Variants in EGFR observed in about 807,000 individuals in gnomAD.
EGFR encodes epidermal growth factor receptor, also known as avian erythroblastic leukemia viral (v-erb-b) oncogene homolog.
In EGFR, 58 loss-of-function variants were observed where a neutral mutation model predicts 143.0. The observed-to-expected ratio is 0.41, with a 90% CI of 0.33 to 0.50. EGFR has a LOEUF of 0.50. EGFR is among the 20% of genes least tolerant of loss of function. The pLI, the probability that EGFR is intolerant of heterozygous loss-of-function variation, is 0.39. For missense variants in EGFR, 1,307 were observed against 1,579.0 expected, an observed-to-expected ratio of 0.83 and a Z score of 2.92; for synonymous variants, 613 against 594.4, an observed-to-expected ratio of 1.03 and a Z score of -0.45.
intron 1 of EGFR, among the ~76,000 whole-genome samples, chr7:55,106,834 A>T (rs1224089961): frequency 6.6e-6 from 1 of 152,194 alleles, no homozygotes; most frequent in Non-Finnish European, 1.5e-5. Flanking sequence ...AGTCGGTTTT[A>T]AAAAATCATA....
In EGFR at chr7:55,073,778, T is replaced by C. The variant is rs1039325572; in HGVS notation, c.88+54413T>C. On this transcript the variant is annotated intron_variant, in intron 1 of 27. Coordinates refer to ENST00000275493, the MANE Select transcript of EGFR (RefSeq NM_005228.5). ...GACATTCACAGCTCTTCTGACCTTA[T>C]CAGCGTTAAGGAAAACAGAAAACCA... Among the ~76,000 whole-genome samples the C allele has an allele frequency of 3.9e-5, 6 of 152,216 alleles. 1 individual carries two copies. Among genetic ancestry groups the C allele is most frequent in the Non-Finnish European group, 1.5e-5 (1 of 68,046 alleles).
intron 1 of EGFR, among the ~76,000 whole-genome samples, chr7:55,081,430 G>C (rs1362430924): frequency 6.6e-6 from 1 of 152,140 alleles, no homozygotes; most frequent in Non-Finnish European, 1.5e-5. Context: ...TTTCTTCTTC[G>C]CAATGAGTGT....
At chr7:55,053,983 G>A (rs950820859) in intron 1 of EGFR, among the ~76,000 whole-genome samples, 3 of 151,954 alleles carry the variant, frequency 2.0e-5, no homozygotes, top group South Asian at 2.1e-4. Flanking sequence ...TCCCCAATTC[G>A]CAAAAAAAGT....
chr7:55,112,740 T>C (rs1342165728), intron 1 of EGFR, among the ~76,000 whole-genome samples: 2 of 152,182 alleles, frequency 1.3e-5, no homozygotes, highest in East Asian at 3.9e-4. Flanking sequence ...TTGTAGACTA[T>C]GGAATTGCTG....
intron 19 of EGFR, chr7:55,180,450 GC>G (rs780898264): frequency 2.6e-5 from 4 of 152,264 alleles, no homozygotes; most frequent in Non-Finnish European, 5.9e-5. Flanking sequence ...TCAAAGGAAG[GC>G]CCCTGCCTTG....
chr7:55,140,317 T>C (rs969208996), intron 1 of EGFR, among the ~76,000 whole-genome samples: 1 of 152,144 alleles, frequency 6.6e-6, no homozygotes, highest in East Asian at 1.9e-4. Flanking sequence ...GAAACTCTTC[T>C]GCAACGTGTT....
At position 55,173,977 on chromosome 7, in the gene EGFR, C is replaced by T. The variant is rs1220800698; in HGVS notation, c.2118C>T (p.Ile706=). 6.2e-7 allele frequency: 1 copy of T among 1,614,254 alleles called. No homozygotes were observed. Among genetic ancestry groups the T allele is most frequent in the Non-Finnish European group, 8.5e-7 (1 of 1,180,044 alleles). Reference sequence around the variant, plus strand: ...CTCCCAACCAAGCTCTCTTGAGGATCTTGAAGGAAACTGAATTCAAAAAGA... The same window carrying T: ...CTCCCAACCAAGCTCTCTTGAGGATTTTGAAGGAAACTGAATTCAAAAAGA... The part of the protein sequence containing the change: ...GEAPNQALLR[I]LKETEFKKIK... The change falls in exon 18 of 28, where the codon ATC becomes ATT. Residue 706 remains isoleucine (I), a synonymous_variant. Coordinates refer to ENST00000275493, the MANE Select transcript of EGFR (RefSeq NM_005228.5).
At chr7:55,052,596 C>A (rs1000535016) in intron 1 of EGFR, among the ~76,000 whole-genome samples, 3 of 152,144 alleles carry the variant, frequency 2.0e-5, no homozygotes, top group African/African-American at 7.2e-5. Flanking sequence ...AGGAAGCTTG[C>A]GAAGCTCAGG....
At chr7:55,022,940 G>A (rs1786660727) in intron 1 of EGFR, among the ~76,000 whole-genome samples, 2 of 152,212 alleles carry the variant, frequency 1.3e-5, no homozygotes. Flanking sequence ...CTCCCTGTTT[G>A]AAAAGAAAAT....
chr7:55,085,500 G>A (rs1790703526), intron 1 of EGFR, among the ~76,000 whole-genome samples: 1 of 152,174 alleles, frequency 6.6e-6, no homozygotes, highest in East Asian at 1.9e-4. Context: ...CATGAGATGA[G>A]GAGTGTTCTT....
At chr7:55,115,269 A>G (rs1792765678) in intron 1 of EGFR, among the ~76,000 whole-genome samples, 1 of 152,230 alleles carries the variant, frequency 6.6e-6, no homozygotes, top group Admixed American at 6.5e-5. Flanking sequence ...AGGCACTCAC[A>G]TAGTTTATAG....
In EGFR at chr7:55,059,494, C is replaced by T. The variant is rs79767645; in HGVS notation, c.88+40129C>T. ...ATTATTCACTAAAGCCCACAGGTTG[C>T]GTTAGGGGTCATTCTTGGTGGTGTA... is the stretch of plus-strand genomic sequence containing the variant. On this transcript the variant is annotated intron_variant, in intron 1 of 27. Transcript: ENST00000275493. Among the ~76,000 whole-genome samples the T allele has an allele frequency of 4.5e-3, 676 of 151,800 alleles. 15 individuals are homozygous for T. The East Asian group carries it at 0.057, about 13-fold the overall frequency.
At chr7:55,027,381 G>C (rs1050725267) in intron 1 of EGFR, among the ~76,000 whole-genome samples, 2 of 152,192 alleles carry the variant, frequency 1.3e-5, no homozygotes, top group Non-Finnish European at 2.9e-5. Context: ...TGCTCCTTCA[G>C]CAAAACCCTC....
At chr7:55,108,857 C>G (rs139583599) in intron 1 of EGFR, among the ~76,000 whole-genome samples, 2 of 152,302 alleles carry the variant, frequency 1.3e-5, no homozygotes, top group Admixed American at 6.5e-5. Context: ...GTGCAACTTC[C>G]TAAGGAGTGA....
At chr7:55,130,138 C>T (rs1046720843) in intron 1 of EGFR, among the ~76,000 whole-genome samples, 21 of 152,126 alleles carry the variant, frequency 1.4e-4, no homozygotes, top group African/African-American at 5.1e-4. Context: ...ACATGGCAAG[C>T]GCTGCTTCAG....
At chr7:55,168,553 G>A in intron 15 of EGFR, 4 of 1,609,578 alleles carry the variant, frequency 2.5e-6, no homozygotes, top group Non-Finnish European at 2.5e-6. Flanking sequence ...TCTGACTTTA[G>A]TCTCCCACTA....
chr7:55,026,460 A>G lies in EGFR; in HGVS notation c.88+7095A>G, dbSNP rs541615380. Reference sequence around the variant, plus strand: ...GGACAAGCCCCTCATTCTAAAGTTCACCTTAATAAAAAACTGCCTAAATTC... The same window carrying G: ...GGACAAGCCCCTCATTCTAAAGTTCGCCTTAATAAAAAACTGCCTAAATTC... On this transcript the variant is annotated intron_variant, in intron 1 of 27. Coordinates refer to ENST00000275493, the MANE Select transcript of EGFR (RefSeq NM_005228.5). Among the ~76,000 whole-genome samples the G allele has an allele frequency of 4.6e-5, 7 of 152,316 alleles. No homozygotes were observed. The South Asian group carries it at 1.5e-3, about 32-fold the overall frequency.
At chr7:55,195,709 C>T (rs182039775) in intron 22 of EGFR, among the ~76,000 whole-genome samples, 1 of 152,270 alleles carries the variant, frequency 6.6e-6, no homozygotes, top group East Asian at 1.9e-4. Flanking sequence ...GTGTGTTGTT[C>T]CCCTCTAAGT....
chr7:55,100,999 A>G (rs6593205), intron 1 of EGFR, among the ~76,000 whole-genome samples: 103,614 of 152,206 alleles, frequency 0.68, 35,919 homozygotes, highest in East Asian at 0.9. Flanking sequence ...CACCACACAA[A>G]ACTGTTTCTC....
Sources: allele counts gnomAD v4.1 joint callset (sites outside exome capture counted in the v4.1 genomes callset), GRCh38; gene constraint gnomAD v4.1.1; transcripts MANE v1.5; gene names NCBI Gene and HGNC (gene_info 2026-07-23, HGNC 2026-07-21).